PPP2R5C: variants seen among roughly 807,000 people sequenced by gnomAD.
PPP2R5C encodes protein phosphatase 2 regulatory subunit B'gamma.
PPP2R5C carries 7 observed loss-of-function variants against 68.9 expected under a neutral mutation model. The ratio of observed to expected loss-of-function variants is 0.10; its 90% CI spans 0.06 to 0.19. The LOEUF (loss-of-function observed/expected upper bound fraction) is 0.19, where lower values mean the gene tolerates loss of function less well. Among genes scored for constraint, PPP2R5C ranks in the 10% least tolerant of loss-of-function variants. The probability of loss-of-function intolerance (pLI) is 1.00; values close to 1 mark genes in which losing one functional copy is unlikely to be tolerated. For synonymous variants in PPP2R5C, 210 were observed against 222.2 expected, an observed-to-expected ratio of 0.95 and a Z score of 0.49; for missense variants, 348 against 641.3, an observed-to-expected ratio of 0.54 and a Z score of 4.94.
At chr14:101,867,575 C>T (rs1420140427) in intron 2 of PPP2R5C, among the ~76,000 whole-genome samples, 2 of 152,028 alleles carry the variant, frequency 1.3e-5, no homozygotes, top group Non-Finnish European at 2.9e-5. Context: ...GTCAGGAGCT[C>T]GAGACCAGCC....
At chr14:101,853,604 G>A (rs2042271873) in intron 1 of PPP2R5C, among the ~76,000 whole-genome samples, 1 of 152,176 alleles carries the variant, frequency 6.6e-6, no homozygotes, top group Admixed American at 6.5e-5. Flanking sequence ...ATGTAAGAGT[G>A]ATTTAACTCC....
intron 2 of PPP2R5C, among the ~76,000 whole-genome samples, chr14:101,779,444 T>G (rs529907550): frequency 9.3e-4 from 141 of 152,232 alleles, no homozygotes; most frequent in Non-Finnish European, 1.8e-3. Flanking sequence ...GAGCTAGAAC[T>G]GAAGGCTGAG....
chr14:101,780,178 A>T (rs2037607274), intron 2 of PPP2R5C, among the ~76,000 whole-genome samples: 1 of 152,120 alleles, frequency 6.6e-6, no homozygotes, highest in Non-Finnish European at 1.5e-5. Context: ...CCTCACCTAA[A>T]AATATTAACT....
intron 2 of PPP2R5C, among the ~76,000 whole-genome samples, chr14:101,874,857 A>G (rs2043657176): frequency 6.6e-6 from 1 of 152,082 alleles, no homozygotes. Flanking sequence ...CTCCTGCCCC[A>G]GCCTCCAGAG....
chr14:101,838,326 C>T (rs1217358272), intron 1 of PPP2R5C, among the ~76,000 whole-genome samples: 1 of 152,184 alleles, frequency 6.6e-6, no homozygotes, highest in Non-Finnish European at 1.5e-5. Flanking sequence ...ATGCAAGCGT[C>T]TTGTGAATCT....
In PPP2R5C at chr14:101,917,652, G is replaced by C; in HGVS notation, c.1327-179G>C. On this transcript the variant is annotated intron_variant, in intron 12 of 13. Transcript: ENST00000334743. The surrounding 1 kb of genome is among the most constrained non-coding windows in gnomAD (Gnocchi z 4.4). ...TTACTGTCTCCACTGAGTGCTTTCTGGTTTCAGAAGTCAGCAGCCGCATCA... is the reference window on the plus strand; with the variant it reads ...TTACTGTCTCCACTGAGTGCTTTCTCGTTTCAGAAGTCAGCAGCCGCATCA... 1 of 713,898 alleles carries C rather than the reference G, an allele frequency of 1.4e-6. No homozygotes were observed. The highest frequency in any genetic ancestry group is 2.3e-6 in the Non-Finnish European group (1 of 444,028). 44.2% of individuals were successfully genotyped at this position (713,898 alleles called of 1,614,324 possible).
At chr14:101,824,221 T>G in intron 1 of PPP2R5C, 4 of 1,182,914 alleles carry the variant, frequency 3.4e-6, no homozygotes, top group Non-Finnish European at 4.3e-6. Flanking sequence ...ATTCTTAGGA[T>G]TTAGTACAAA....
chr14:101,762,609 G>A (rs1234896291), intron 1 of PPP2R5C, among the ~76,000 whole-genome samples: 1 of 152,098 alleles, frequency 6.6e-6, no homozygotes, highest in East Asian at 1.9e-4. Flanking sequence ...GGGTAGAAAG[G>A]GATGTGATGT....
chr14:101,774,723 G>T (rs1031668186), intron 2 of PPP2R5C, among the ~76,000 whole-genome samples: 4 of 152,208 alleles, frequency 2.6e-5, no homozygotes, highest in Non-Finnish European at 4.4e-5. Flanking sequence ...GGCTCAGGAG[G>T]TTTGCTGATT....
intron 8 of PPP2R5C, 99 bp downstream of exon 10, chr14:101,894,659 T>C (rs2045183692): frequency 3.4e-6 from 4 of 1,178,022 alleles, no homozygotes; most frequent in African/African-American, 3.1e-5. Flanking sequence ...ATTCAGACTT[T>C]TTCATCTTAA....
At chr14:101,828,113 A>G (rs1198808717) in intron 1 of PPP2R5C, among the ~76,000 whole-genome samples, 1 of 152,206 alleles carries the variant, frequency 6.6e-6, no homozygotes, top group Non-Finnish European at 1.5e-5. Context: ...ATTTGTAGTT[A>G]CCACATAATA....
intron 9 of PPP2R5C, among the ~76,000 whole-genome samples, chr14:101,903,271 G>C (rs2045816047): frequency 6.6e-6 from 1 of 152,202 alleles, no homozygotes; most frequent in South Asian, 2.1e-4. Flanking sequence ...AGACCTTCAA[G>C]AGAAGACAGG....
intron 3 of PPP2R5C, among the ~76,000 whole-genome samples, chr14:101,802,366 C>T (rs996646250): frequency 6.6e-6 from 1 of 152,056 alleles, no homozygotes. Context: ...GAGCCAAGAT[C>T]GCGCCACTGC....
intron 3 of PPP2R5C, among the ~76,000 whole-genome samples, chr14:101,795,638 G>A (rs971764080): frequency 2.0e-5 from 3 of 151,980 alleles, no homozygotes; most frequent in South Asian, 2.1e-4. Context: ...ACTTATTATC[G>A]GCTAACTAAC....
chr14:101,847,086 CAGTT>C (rs1332882375), intron 1 of PPP2R5C, among the ~76,000 whole-genome samples: 1 of 152,166 alleles, frequency 6.6e-6, no homozygotes, highest in Non-Finnish European at 1.5e-5. Flanking sequence ...CGGTACCTCT[CAGTT>C]AAATTACCTG....
At chr14:101,800,792 C>T (rs897126637) in intron 3 of PPP2R5C, among the ~76,000 whole-genome samples, 3 of 152,128 alleles carry the variant, frequency 2.0e-5, no homozygotes, top group African/African-American at 7.2e-5. Context: ...CAGCATCGCT[C>T]ACAATAGCCA....
chr14:101,832,268 A>C (rs2040794677), intron 1 of PPP2R5C, among the ~76,000 whole-genome samples: 1 of 152,222 alleles, frequency 6.6e-6, no homozygotes, highest in Non-Finnish European at 1.5e-5. Context: ...GATTCCTCCA[A>C]GTGTGGCAAG....
Position 101,764,786 on chromosome 14 carries a change from G to C in PPP2R5C, c.93+1816G>C, listed in dbSNP as rs114312918. 4.6e-3 allele frequency among the ~76,000 whole-genome samples: 668 copies of C among 146,708 alleles called. 4 individuals carry two copies. Among genetic ancestry groups the C allele is most frequent in the African/African-American group, 0.016 (632 of 39,624 alleles). On this transcript the variant is annotated intron_variant, in intron 2 of 14. Transcript: ENST00000328724. Reference sequence around the variant, plus strand: ...GATGAAATGTAGGTGCTTTATGAAGGTATATGCTATATGCCTTTTTTTTTT... The same window carrying C: ...GATGAAATGTAGGTGCTTTATGAAGCTATATGCTATATGCCTTTTTTTTTT...
chr14:101,793,630 C>T (rs1388945563), intron 3 of PPP2R5C, among the ~76,000 whole-genome samples: 4 of 152,228 alleles, frequency 2.6e-5, no homozygotes, highest in Non-Finnish European at 5.9e-5. Context: ...GAAAGTGTTG[C>T]AGTACTCTTT....
Sources: gnomAD v4.1 joint callset for allele counts (sites outside exome capture counted in the v4.1 genomes callset) on GRCh38, gnomAD v4.1.1 for gene constraint, Gnocchi (gnomAD v3.1) non-coding constraint, MANE v1.5 for transcripts, NCBI Gene and HGNC (gene_info 2026-07-23, HGNC 2026-07-21) for gene names.